CAST: variants seen among roughly 807,000 people sequenced by gnomAD.
The protein encoded by CAST is MIR583 host.
In CAST, 76 loss-of-function variants were observed where a neutral mutation model predicts 119.6. The observed-to-expected ratio is 0.64, with a 90% CI of 0.53 to 0.77. The LOEUF is 0.77. Ranked by LOEUF, CAST falls within the 30% of genes least tolerant of loss-of-function variation. The probability of loss-of-function intolerance (pLI) is 0.00; values close to 1 mark genes in which losing one functional copy is unlikely to be tolerated. For missense variants in CAST, 953 were observed against 946.5 expected (o/e 1.01, Z -0.09); for synonymous variants, 319 against 331.6 (o/e 0.96, Z 0.41).
the CAST span, among the ~76,000 whole-genome samples, chr5:96,048,660 C>T: frequency 6.6e-6 from 1 of 151,998 alleles, no homozygotes; most frequent in Non-Finnish European, 1.5e-5. Context: ...CAAATCTCTT[C>T]CTGATTTTTT....
chr5:96,212,063 C>A, the CAST span, among the ~76,000 whole-genome samples: 1 of 151,846 alleles, frequency 6.6e-6, no homozygotes, highest in South Asian at 2.1e-4. Flanking sequence ...TGTAATTGAT[C>A]TTCTCAAAGG....
intron 1 of CAST, among the ~76,000 whole-genome samples, chr5:96,620,197 C>A (rs1747574261): frequency 6.6e-6 from 1 of 151,976 alleles, no homozygotes. Context: ...TGTAGGGCGA[C>A]AATCATATGC....
the CAST span, among the ~76,000 whole-genome samples, chr5:96,366,695 T>C: frequency 1.3e-5 from 2 of 152,240 alleles, no homozygotes; most frequent in Admixed American, 6.5e-5. Context: ...ATTTAAGTAC[T>C]TCTCTACACT....
At chr5:96,564,465 A>C (rs549456092) in intron 1 of CAST, among the ~76,000 whole-genome samples, 11 of 152,356 alleles carry the variant, frequency 7.2e-5, no homozygotes, top group African/African-American at 2.6e-4. Context: ...TACTTGCCGG[A>C]AAATGTGTTG....
At chr5:96,372,838 AG>A in the CAST span, among the ~76,000 whole-genome samples, 1 of 152,184 alleles carries the variant, frequency 6.6e-6, no homozygotes, top group Non-Finnish European at 1.5e-5. Context: ...CTGACTGAAA[AG>A]GACATCTTTT....
At chr5:96,083,845 C>T in the CAST span, among the ~76,000 whole-genome samples, 2 of 152,184 alleles carry the variant, frequency 1.3e-5, no homozygotes, top group African/African-American at 4.8e-5. Flanking sequence ...CCCATCATCT[C>T]AAAACCATGG....
At chr5:96,662,652 A>C (rs920892585) in intron 1 of CAST, among the ~76,000 whole-genome samples, 155 bp downstream of exon 1, 2 of 59,776 alleles carry the variant, frequency 3.3e-5, no homozygotes, top group Non-Finnish European at 5.9e-5. Flanking sequence ...GGCCGCTGCC[A>C]GGCAGGTGGC....
the CAST span, among the ~76,000 whole-genome samples, chr5:96,457,560 C>G: frequency 6.6e-6 from 1 of 152,222 alleles, no homozygotes; most frequent in Non-Finnish European, 1.5e-5. Flanking sequence ...GCTGCCTTCT[C>G]AAATGTACTA....
At chr5:96,419,983 G>A in the CAST span, among the ~76,000 whole-genome samples, 1 of 151,936 alleles carries the variant, frequency 6.6e-6, no homozygotes, top group African/African-American at 2.4e-5. Flanking sequence ...CCCAGGATCT[G>A]CCTGGAAGGA....
chr5:96,663,639 CA>C (rs1333202415), intron 1 of CAST, among the ~76,000 whole-genome samples: 1 of 152,046 alleles, frequency 6.6e-6, no homozygotes, highest in East Asian at 1.9e-4. Context: ...CAATGTGAGG[CA>C]AGGAGAAAAT....
chr5:96,115,881 C>T, the CAST span, among the ~76,000 whole-genome samples: 1 of 150,854 alleles, frequency 6.6e-6, no homozygotes, highest in South Asian at 2.1e-4. Flanking sequence ...TTTTGTAGAA[C>T]AACAGGAGGA....
At chr5:96,496,097 A>C in the CAST span, among the ~76,000 whole-genome samples, 2 of 152,192 alleles carry the variant, frequency 1.3e-5, no homozygotes, top group African/African-American at 4.8e-5. Context: ...CTTGGCTGTA[A>C]TCTTATGTCT....
At chr5:96,009,714 T>TTTATCTCCCATTC in the CAST span, among the ~76,000 whole-genome samples, 1 of 152,208 alleles carries the variant, frequency 6.6e-6, no homozygotes, top group Non-Finnish European at 1.5e-5. Context: ...GATGCGTAGT[T>TTTATCTCCCATTC]TGCAAATATT....
chr5:96,355,378 C>T, the CAST span, among the ~76,000 whole-genome samples: 53 of 152,230 alleles, frequency 3.5e-4, no homozygotes, highest in East Asian at 6.4e-3. Flanking sequence ...TTTATGTCTG[C>T]GTAGTATTCT....
chr5:96,174,697 A>T, the CAST span, among the ~76,000 whole-genome samples: 1 of 152,298 alleles, frequency 6.6e-6, no homozygotes, highest in Admixed American at 6.5e-5. Context: ...CTGGCTCATG[A>T]TTTGTAATCT....
the CAST span, among the ~76,000 whole-genome samples, chr5:96,224,148 C>G: frequency 6.6e-6 from 1 of 152,176 alleles, no homozygotes; most frequent in Non-Finnish European, 1.5e-5. Flanking sequence ...TCAGAACTGT[C>G]TTGGATCAAA....
At chr5:96,647,297 A>G (rs1443747514) in intron 1 of CAST, among the ~76,000 whole-genome samples, 5 of 152,230 alleles carry the variant, frequency 3.3e-5, no homozygotes, top group Non-Finnish European at 7.3e-5. Context: ...AAGATCATAC[A>G]CTGAGGATGA....
chr5:96,056,719 T>G, the CAST span, among the ~76,000 whole-genome samples: 1 of 152,170 alleles, frequency 6.6e-6, no homozygotes, highest in Non-Finnish European at 1.5e-5. Context: ...GATATTCAAG[T>G]GAGAGATAAA....
intron 1 of CAST, among the ~76,000 whole-genome samples, chr5:96,597,472 C>T (rs1339578568): frequency 6.6e-6 from 1 of 152,188 alleles, no homozygotes; most frequent in African/African-American, 2.4e-5. Flanking sequence ...GGCTACCATC[C>T]CAGCTACATG....
Sources: allele counts gnomAD v4.1 joint callset (sites outside exome capture counted in the v4.1 genomes callset), GRCh38; gene constraint gnomAD v4.1.1; transcripts MANE v1.5; gene names NCBI Gene and HGNC (gene_info 2026-07-23, HGNC 2026-07-21).